Variants in PTPRT observed in about 807,000 individuals in gnomAD.
PTPRT encodes the protein receptor-type tyrosine-protein phosphatase T.
A neutral mutation model predicts 176.8 loss-of-function variants in PTPRT; 56 were observed. That is an observed-to-expected ratio of 0.32 (90% CI 0.26 to 0.40). The LOEUF is 0.40. Among genes scored for constraint, PTPRT ranks in the 10% least tolerant of loss-of-function variants. The pLI, the probability that PTPRT is intolerant of heterozygous loss-of-function variation, is 1.00. For missense variants in PTPRT, 1,540 were observed against 1,908.2 expected (o/e 0.81, Z 3.60); for synonymous variants, 783 against 739.0 (o/e 1.06, Z -0.96).
intron 1 of PTPRT, among the ~76,000 whole-genome samples, chr20:42,994,521 A>AT (rs1438221657): frequency 2.6e-5 from 4 of 152,080 alleles, no homozygotes; most frequent in Admixed American, 1.3e-4. Context: ...GAACAATACA[A>AT]TTTTTTGTTA....
At chr20:42,268,935 T>C (rs893697459) in intron 13 of PTPRT, among the ~76,000 whole-genome samples, 2 of 152,242 alleles carry the variant, frequency 1.3e-5, no homozygotes, top group African/African-American at 2.4e-5. Flanking sequence ...CCTAGAGAAG[T>C]ACCATCAGGC....
At chr20:43,011,934 T>A (rs903468560) in intron 1 of PTPRT, among the ~76,000 whole-genome samples, 2 of 152,192 alleles carry the variant, frequency 1.3e-5, no homozygotes, top group Non-Finnish European at 2.9e-5. Context: ...CTTCCTGCCC[T>A]CGAACATCAG....
At chr20:42,085,648 C>T in intron 28 of PTPRT, 80 bp downstream of exon 28, 1 of 1,574,928 alleles carries the variant, frequency 6.3e-7, no homozygotes, top group East Asian at 2.2e-5. Flanking sequence ...TCTTGGCTGG[C>T]TCAGCGGGAT....
chr20:42,526,132 G>C (rs2072263993), intron 7 of PTPRT, among the ~76,000 whole-genome samples: 1 of 151,972 alleles, frequency 6.6e-6, no homozygotes. Context: ...ATATTCTAAA[G>C]AGTGTTTCCC....
chr20:42,084,560 G>A (rs924643781), intron 29 of PTPRT, 122 bp downstream of exon 29: 9 of 833,694 alleles, frequency 1.1e-5, no homozygotes, highest in Middle Eastern at 4.1e-4. Flanking sequence ...TAGCCTTTGA[G>A]GGATGTTGAG....
At chr20:42,351,000 A>T (rs1600873595) in intron 10 of PTPRT, among the ~76,000 whole-genome samples, 1 of 152,348 alleles carries the variant, frequency 6.6e-6, no homozygotes, top group East Asian at 1.9e-4. Flanking sequence ...CACACCTAAT[A>T]AACAGATATG....
At chr20:42,707,629 T>A (rs1270581382) in intron 6 of PTPRT, among the ~76,000 whole-genome samples, 1 of 152,068 alleles carries the variant, frequency 6.6e-6, no homozygotes, top group South Asian at 2.1e-4. Flanking sequence ...AGTCCCACCA[T>A]CACAAGGATC....
At chr20:42,990,349 T>C (rs1451513486) in intron 1 of PTPRT, among the ~76,000 whole-genome samples, 2 of 152,218 alleles carry the variant, frequency 1.3e-5, no homozygotes, top group Non-Finnish European at 2.9e-5. Context: ...CAGCTTTTTT[T>C]TAATGTTGGT....
chr20:42,558,175 G>T (rs998151640), intron 7 of PTPRT, among the ~76,000 whole-genome samples: 2 of 152,054 alleles, frequency 1.3e-5, no homozygotes, highest in African/African-American at 4.8e-5. Context: ...AGTGTGTGTT[G>T]TTCCCCTCTA....
chr20:42,044,732 G>A, the PTPRT span, among the ~76,000 whole-genome samples: 5 of 152,174 alleles, frequency 3.3e-5, no homozygotes, highest in African/African-American at 1.2e-4. Context: ...ATTCGCTTTC[G>A]TCTCCCACTG....
chr20:42,488,586 T>G (rs983486114), intron 7 of PTPRT, among the ~76,000 whole-genome samples: 2 of 152,206 alleles, frequency 1.3e-5, no homozygotes, highest in East Asian at 3.9e-4. Context: ...ATCTACTCAT[T>G]TGTAGAATTC....
At chr20:42,322,310 T>C in intron 11 of PTPRT, among the ~76,000 whole-genome samples, 1 of 150,510 alleles carries the variant, frequency 6.6e-6, no homozygotes, top group African/African-American at 2.5e-5. Context: ...AAGTCAATCC[T>C]AAGCCAAAAG....
At chr20:42,264,876 A>C (rs1220358637) in intron 13 of PTPRT, among the ~76,000 whole-genome samples, 1 of 151,714 alleles carries the variant, frequency 6.6e-6, no homozygotes, top group East Asian at 1.9e-4. Context: ...TTCCTCCACC[A>C]CTCACGTTTC....
At chr20:42,216,176 C>T (rs2055766095) in intron 15 of PTPRT, among the ~76,000 whole-genome samples, 1 of 152,180 alleles carries the variant, frequency 6.6e-6, no homozygotes, top group South Asian at 2.1e-4. Flanking sequence ...TGATCTCCCT[C>T]TCACCAGCTC....
chr20:42,950,812 TG>T (rs1181685992), intron 1 of PTPRT, among the ~76,000 whole-genome samples: 3 of 152,232 alleles, frequency 2.0e-5, no homozygotes, highest in Non-Finnish European at 4.4e-5. Context: ...AAACAGAGTT[TG>T]GCTTGTATTT....
At chr20:42,486,283 C>T (rs2071463140) in intron 7 of PTPRT, among the ~76,000 whole-genome samples, 1 of 152,162 alleles carries the variant, frequency 6.6e-6, no homozygotes, top group South Asian at 2.1e-4. Context: ...TACTTTTCCT[C>T]CTTGACTTTC....
At chr20:42,925,999 T>C (rs2145962589) in intron 1 of PTPRT, among the ~76,000 whole-genome samples, 1 of 152,268 alleles carries the variant, frequency 6.6e-6, no homozygotes, top group East Asian at 1.9e-4. Context: ...AAGCCCCCTC[T>C]AAGAGGGGCT....
intron 29 of PTPRT, among the ~76,000 whole-genome samples, chr20:42,083,968 G>A (rs982807619): frequency 2.0e-5 from 3 of 152,216 alleles, no homozygotes; most frequent in Non-Finnish European, 4.4e-5. Flanking sequence ...ATTTACGTTT[G>A]CATATTTGCT....
intron 1 of PTPRT, among the ~76,000 whole-genome samples, chr20:43,136,245 A>C (rs537152271): frequency 6.6e-5 from 10 of 152,282 alleles, no homozygotes; most frequent in African/African-American, 2.4e-4. Flanking sequence ...TTTCCATCTT[A>C]AACTTTCCCA....
Sources: gnomAD v4.1 joint callset for allele counts (sites outside exome capture counted in the v4.1 genomes callset) on GRCh38, gnomAD v4.1.1 for gene constraint, MANE v1.5 for transcripts, NCBI Gene and HGNC (gene_info 2026-07-23, HGNC 2026-07-21) for gene names.